Variants in GPM6A observed in about 807,000 individuals in gnomAD.
GPM6A encodes neuronal membrane glycoprotein M6-a.
GPM6A carries 7 observed loss-of-function variants against 32.1 expected under a neutral mutation model. The observed-to-expected ratio is 0.22, with a 90% CI of 0.12 to 0.41. The LOEUF is 0.41. Among genes scored for constraint, GPM6A ranks in the 10% least tolerant of loss-of-function variants. GPM6A has a pLI of 1.00. For missense variants in GPM6A, 235 were observed against 347.2 expected (o/e 0.68, Z 2.57); for synonymous variants, 130 against 123.4 (o/e 1.05, Z -0.35).
intron 1 of GPM6A, among the ~76,000 whole-genome samples, chr4:175,916,104 A>G (rs1308009600): frequency 6.6e-6 from 1 of 152,234 alleles, no homozygotes; most frequent in African/African-American, 2.4e-5. Flanking sequence ...CATATAAAGT[A>G]GACACATGCA....
intron 1 of GPM6A, among the ~76,000 whole-genome samples, chr4:175,768,302 C>T (rs750918506): frequency 2.0e-5 from 3 of 151,934 alleles, no homozygotes; most frequent in South Asian, 2.1e-4. Context: ...TAAGAGAGTG[C>T]GAAGCATTCT....
chr4:175,643,721 C>T (rs1741288747), intron 4 of GPM6A, among the ~76,000 whole-genome samples: 2 of 152,274 alleles, frequency 1.3e-5, no homozygotes, highest in South Asian at 4.1e-4. Flanking sequence ...TTAGTCACAG[C>T]TGGCTCCTAA....
intron 1 of GPM6A, among the ~76,000 whole-genome samples, chr4:175,944,978 A>G (rs1013845796): frequency 3.3e-5 from 5 of 152,224 alleles, no homozygotes; most frequent in African/African-American, 1.2e-4. Flanking sequence ...CCAAACCATC[A>G]AGTGGTATGA....
intron 1 of GPM6A, among the ~76,000 whole-genome samples, chr4:175,773,158 G>C (rs991383398): frequency 3.3e-5 from 5 of 152,162 alleles, no homozygotes; most frequent in African/African-American, 1.2e-4. Context: ...ACAGGCTGCA[G>C]TGCATATTAA....
intron 2 of GPM6A, 67 bp downstream of exon 2, chr4:175,701,508 A>G: frequency 1.8e-6 from 2 of 1,130,608 alleles, no homozygotes; most frequent in South Asian, 2.7e-5. Flanking sequence ...GTAGGCCCCT[A>G]ATCATTTAAC....
intron 1 of GPM6A, among the ~76,000 whole-genome samples, chr4:175,938,183 T>A (rs6851654): frequency 0.055 from 8,414 of 152,222 alleles, 717 homozygotes; most frequent in African/African-American, 0.19. Context: ...AGGGTGACTA[T>A]ACATAGCAAT....
chr4:175,909,112 G>GA lies in GPM6A; in HGVS notation c.-23+93196dup, dbSNP rs199707196. ...TATAACTCAGAAATAGTAACTGAAA[G>GA]AAAAAAAATGCTGTTAATACAAGTT... On this transcript the variant is annotated intron_variant, in intron 1 of 7. Transcript: ENST00000280187. 8.1e-3 allele frequency among the ~76,000 whole-genome samples: 1,162 copies of GA among 143,836 alleles called. 11 individuals carry two copies. The highest frequency in any genetic ancestry group is 0.029 in the African/African-American group (1,098 of 38,492). 94.4% of individuals were successfully genotyped at this position (143,836 alleles called of 152,430 possible). A position where few individuals can be genotyped will look rare whatever the true frequency, so the allele number is the denominator to read the frequency against.
At chr4:175,730,651 T>C (rs1261691942) in intron 1 of GPM6A, among the ~76,000 whole-genome samples, 2 of 152,044 alleles carry the variant, frequency 1.3e-5, no homozygotes, top group Non-Finnish European at 2.9e-5. Context: ...TTTTTATATT[T>C]TTAGTAGAGA....
chr4:175,726,592 G>A (rs1746421487), intron 1 of GPM6A, among the ~76,000 whole-genome samples: 1 of 151,938 alleles, frequency 6.6e-6, no homozygotes, highest in Non-Finnish European at 1.5e-5. Flanking sequence ...CTCTATGTTG[G>A]TTATCTATAT....
intron 1 of GPM6A, among the ~76,000 whole-genome samples, chr4:175,786,545 T>G (rs1733805555): frequency 6.6e-6 from 1 of 152,050 alleles, no homozygotes; most frequent in African/African-American, 2.4e-5. Flanking sequence ...AATAAGACAT[T>G]TTTTCCTTTA....
intron 1 of GPM6A, among the ~76,000 whole-genome samples, chr4:175,747,794 T>G (rs990954234): frequency 7.0e-4 from 101 of 144,332 alleles, no homozygotes; most frequent in African/African-American, 2.4e-3. Flanking sequence ...ACAGTGAAGT[T>G]TGCCACATTG....
intron 3 of GPM6A, among the ~76,000 whole-genome samples, chr4:175,666,971 A>G (rs1157507028): frequency 1.3e-5 from 2 of 152,226 alleles, no homozygotes; most frequent in Admixed American, 1.3e-4. Context: ...TTAGAAATTC[A>G]TACGTTATGG....
At chr4:175,987,774 G>T (rs1177851992) in intron 1 of GPM6A, among the ~76,000 whole-genome samples, 1 of 152,030 alleles carries the variant, frequency 6.6e-6, no homozygotes, top group Non-Finnish European at 1.5e-5. Context: ...CCATGAAACT[G>T]TCATGAATTT....
chr4:175,875,786 C>G (rs1737066945), intron 1 of GPM6A, among the ~76,000 whole-genome samples: 1 of 152,040 alleles, frequency 6.6e-6, no homozygotes. Flanking sequence ...CTTCCTTGGT[C>G]CCTTAAATTC....
intron 1 of GPM6A, among the ~76,000 whole-genome samples, chr4:175,831,625 C>T (rs1449676300): frequency 6.6e-6 from 1 of 151,960 alleles, no homozygotes; most frequent in Non-Finnish European, 1.5e-5. Flanking sequence ...TAGGGAGTCC[C>T]CTGCAATTTG....
At chr4:175,953,587 C>A (rs1278077298) in intron 1 of GPM6A, among the ~76,000 whole-genome samples, 1 of 152,114 alleles carries the variant, frequency 6.6e-6, no homozygotes, top group African/African-American at 2.4e-5. Flanking sequence ...GGACACATGG[C>A]AGACTTATAA....
chr4:175,951,719 G>A (rs1369550721), intron 1 of GPM6A, among the ~76,000 whole-genome samples: 1 of 152,192 alleles, frequency 6.6e-6, no homozygotes, highest in Admixed American at 6.5e-5. Flanking sequence ...TACAAGTCAA[G>A]GCTTCTTCAC....
At chr4:175,876,319 T>A (rs1183949875) in intron 1 of GPM6A, among the ~76,000 whole-genome samples, 2 of 152,162 alleles carry the variant, frequency 1.3e-5, no homozygotes, top group Non-Finnish European at 2.9e-5. Flanking sequence ...AGAGGAGTAA[T>A]AATATGACTC....
At chr4:175,758,556 G>C (rs1732620011) in intron 1 of GPM6A, among the ~76,000 whole-genome samples, 1 of 152,174 alleles carries the variant, frequency 6.6e-6, no homozygotes, top group South Asian at 2.1e-4. Flanking sequence ...GGCAGAGAGT[G>C]TCAATTGATC....
Sources: allele counts gnomAD v4.1 joint callset (sites outside exome capture counted in the v4.1 genomes callset), GRCh38; gene constraint gnomAD v4.1.1; transcripts MANE v1.5; gene names NCBI Gene and HGNC (gene_info 2026-07-23, HGNC 2026-07-21).